The following SPEF2 variants were observed in gnomAD, a reference collection of about 807,000 sequenced individuals.
The protein encoded by SPEF2 is sperm flagella and cilia-associated protein 2.
In SPEF2, 187 loss-of-function variants were observed where a neutral mutation model predicts 224.6. The observed-to-expected ratio is 0.83, with a 90% CI of 0.74 to 0.94. The LOEUF is 0.94. Among genes scored for constraint, SPEF2 ranks in the 40% least tolerant of loss-of-function variants. The pLI is 0.00. For missense variants in SPEF2, 2,170 were observed against 2,135.6 expected (o/e 1.02, Z -0.32); for synonymous variants, 715 against 707.3 (o/e 1.01, Z -0.17).
Position 35,641,497 on chromosome 5 carries a change from G to A in SPEF2, c.228G>A (p.Gln76=). The A allele has an allele frequency of 1.9e-6, 3 of 1,613,818 alleles. No homozygotes were observed. The highest frequency in any genetic ancestry group is 2.5e-6 in the Non-Finnish European group (3 of 1,179,830). The change falls in exon 3 of 37, where the codon CAG becomes CAA. Residue 76 remains glutamine (Q), a synonymous_variant. Transcript: ENST00000356031. The part of the protein sequence containing the change: ...LEPTLNLLGV[Q]FDQNVAHGII... ...CAACACTTAACCTTCTGGGTGTGCA[G>A]TTTGATCAGAATGTGGCCCATGGCA... is the stretch of plus-strand genomic sequence containing the variant.
chr5:35,741,362 G>A (rs1747611109), intron 23 of SPEF2, among the ~76,000 whole-genome samples: 1 of 152,194 alleles, frequency 6.6e-6, no homozygotes, highest in Non-Finnish European at 1.5e-5. Context: ...TTTGGAGAAA[G>A]GGTGTATGAA....
At chr5:35,693,538 A>C (rs1754839267) in intron 12 of SPEF2, among the ~76,000 whole-genome samples, 1 of 152,144 alleles carries the variant, frequency 6.6e-6, no homozygotes, top group Admixed American at 6.5e-5. Flanking sequence ...GTGAATAGGA[A>C]AATGTAGCCC....
At chr5:35,664,659 T>G (rs914840270) in intron 8 of SPEF2, among the ~76,000 whole-genome samples, 1 of 144,048 alleles carries the variant, frequency 6.9e-6, no homozygotes, top group Non-Finnish European at 1.5e-5. Context: ...CAGCTCTGGA[T>G]GACAGCAAGA....
intron 21 of SPEF2, 51 bp downstream of exon 21, chr5:35,727,874 T>C (rs368996925): frequency 1.2e-5 from 19 of 1,580,628 alleles, no homozygotes; most frequent in Non-Finnish European, 1.5e-5. Flanking sequence ...CTCCTGCATA[T>C]AGTAAGATTC....
chr5:35,728,346 G>GGGTC (rs1291932636), intron 21 of SPEF2, among the ~76,000 whole-genome samples: 1 of 152,174 alleles, frequency 6.6e-6, no homozygotes, highest in African/African-American at 2.4e-5. Context: ...TGAAAGCTCC[G>GGGTC]CCTAGCTCAA....
rs1159365828 is a variant in SPEF2, at chr5:35,618,024, C to T, written c.27C>T (p.Leu9=). 1 of 1,587,368 alleles carries T rather than the reference C, an allele frequency of 6.3e-7. No homozygotes were observed. Among genetic ancestry groups the T allele is most frequent in the Non-Finnish European group, 8.6e-7 (1 of 1,164,262 alleles). The change falls in exon 1 of 37, where the codon CTC becomes CTT. Residue 9 remains leucine (L), a synonymous_variant. Coordinates refer to ENST00000356031, the MANE Select transcript of SPEF2 (RefSeq NM_024867.4). Reference sequence around the variant, plus strand: ...TGTCGGAGATCCTGTGCCAGTGGCTCAACAAGGAGTTGAAGGTGTCCCGGA... The same window carrying T: ...TGTCGGAGATCCTGTGCCAGTGGCTTAACAAGGAGTTGAAGGTGTCCCGGA... MSEILCQW[L]NKELKVSRTV...
intron 27 of SPEF2, among the ~76,000 whole-genome samples, chr5:35,773,259 A>C (rs1172274308): frequency 6.6e-6 from 1 of 152,154 alleles, no homozygotes; most frequent in Non-Finnish European, 1.5e-5. Flanking sequence ...ACACATCTGT[A>C]GTCCCAGCTA....
At chr5:35,697,484 C>T (rs979442896) in intron 14 of SPEF2, among the ~76,000 whole-genome samples, 6 of 152,108 alleles carry the variant, frequency 3.9e-5, no homozygotes, top group African/African-American at 9.7e-5. Context: ...CTGAAGAGTA[C>T]GATCTTGGAA....
chr5:35,652,756 G>A (rs1342027892), intron 6 of SPEF2, among the ~76,000 whole-genome samples: 2 of 152,000 alleles, frequency 1.3e-5, no homozygotes, highest in East Asian at 3.9e-4. Flanking sequence ...CTACAATATG[G>A]TCTATATTAT....
intron 10 of SPEF2, among the ~76,000 whole-genome samples, chr5:35,679,088 T>A (rs755597045): frequency 1.3e-5 from 2 of 152,192 alleles, no homozygotes; most frequent in Non-Finnish European, 2.9e-5. Flanking sequence ...TACTTTCCCA[T>A]GGAGTATGGC....
rs774242828 is a variant in SPEF2 at position 35,709,023 on chromosome 5, C to T, written c.2741C>T (p.Pro914Leu). Residue 914 changes from proline (P) to leucine (L), a missense_variant, in exon 19 of 37, where the codon CCT becomes CTT. By Grantham distance (98) the Pro-to-Leu change is moderately conservative. Transcript: ENST00000356031. ...ASLAELPLPT[P>L]PPAPPPEPEK... Reference sequence around the variant, plus strand: ...CTGGCTGAGCTTCCACTTCCTACACCTCCTCCTGCTCCTCCTCCTGAACCA... The same window carrying T: ...CTGGCTGAGCTTCCACTTCCTACACTTCCTCCTGCTCCTCCTCCTGAACCA... The T allele has an allele frequency of 1.1e-5, 18 of 1,613,532 alleles. 1 individual carries two copies. Among genetic ancestry groups the T allele is most frequent in the Middle Eastern group, 1.7e-4 (1 of 6,060 alleles).
intron 7 of SPEF2, 52 bp downstream of exon 7, chr5:35,654,778 G>A (rs751312609): frequency 6.6e-7 from 1 of 1,515,528 alleles, no homozygotes; most frequent in Non-Finnish European, 8.9e-7. Context: ...TCTACAAAAT[G>A]TAGTCTTCTA....
rs756921336 is a variant in SPEF2, at chr5:35,763,635, A to T, written c.3734A>T (p.Asn1245Ile). 5.6e-5 allele frequency: 90 copies of T among 1,613,960 alleles called. 1 individual carries two copies. The South Asian group carries it at 8.9e-4, about 16-fold the overall frequency. The change falls in exon 26 of 37, where the codon AAC becomes ATC. Residue 1245 changes from asparagine to isoleucine, a missense_variant. Transcript: ENST00000356031. ...MDNSLENVES[N>I]FEADEKLVMD... is the part of the protein sequence containing the mutation. Reference sequence around the variant, plus strand: ...AACTCCCTAGAAAACGTTGAGTCCAACTTTGAGGCCGATGAAAAGTTGGTC... The same window carrying T: ...AACTCCCTAGAAAACGTTGAGTCCATCTTTGAGGCCGATGAAAAGTTGGTC...
intron 20 of SPEF2, among the ~76,000 whole-genome samples, chr5:35,716,419 A>G (rs1742590775): frequency 6.6e-6 from 1 of 152,118 alleles, no homozygotes; most frequent in South Asian, 2.1e-4. Context: ...GAAAATAGAA[A>G]TTAAAAAGAC....
At chr5:35,636,945 C>T (rs1296581431) in intron 2 of SPEF2, among the ~76,000 whole-genome samples, 4 of 146,000 alleles carry the variant, frequency 2.7e-5, no homozygotes, top group African/African-American at 1.0e-4. Flanking sequence ...CGTTGCACTC[C>T]AGCCTGGGTG....
intron 1 of SPEF2, among the ~76,000 whole-genome samples, chr5:35,618,261 G>T (rs538251630): frequency 6.6e-6 from 1 of 152,242 alleles, no homozygotes; most frequent in South Asian, 2.1e-4. Context: ...GCTCACCCCA[G>T]CCAGGGCAAG....
intron 6 of SPEF2, among the ~76,000 whole-genome samples, chr5:35,650,978 C>G (rs548676268): frequency 6.6e-6 from 1 of 152,356 alleles, no homozygotes; most frequent in African/African-American, 2.4e-5. Context: ...TTTTGCCTCA[C>G]TGTCCTGTTG....
chr5:35,700,297 C>G (rs1738341708), intron 15 of SPEF2, 199 bp from the exon 16 acceptor site: 5 of 601,242 alleles, frequency 8.3e-6, no homozygotes, highest in African/African-American at 1.9e-5. Context: ...TGGAGGGCAG[C>G]ACAGTATCCA....
At chr5:35,730,458 G>A (rs576147591) in intron 21 of SPEF2, among the ~76,000 whole-genome samples, 1 of 152,350 alleles carries the variant, frequency 6.6e-6, no homozygotes, top group African/African-American at 2.4e-5. Flanking sequence ...GGGCCCAGGG[G>A]CCACAGGGCC....
Sources: gnomAD v4.1 joint callset for allele counts (sites outside exome capture counted in the v4.1 genomes callset) on GRCh38, gnomAD v4.1.1 for gene constraint, MANE v1.5 for transcripts, NCBI Gene and HGNC (gene_info 2026-07-23, HGNC 2026-07-21) for gene names.